SFXN1: variants seen among roughly 807,000 people sequenced by gnomAD.
The protein encoded by SFXN1 is sideroflexin 1, also known as sideroflexin-1.
Under a neutral mutation model 39.5 loss-of-function variants are expected in SFXN1, and 32 were observed. That is an observed-to-expected ratio of 0.81 (90% CI 0.61 to 1.09). The LOEUF (loss-of-function observed/expected upper bound fraction) is 1.09. Ranked by LOEUF, SFXN1 falls within the 50% of genes least tolerant of loss-of-function variation. The probability of loss-of-function intolerance (pLI) is 0.00; values close to 1 mark genes in which losing one functional copy is unlikely to be tolerated. For missense variants in SFXN1, 402 were observed against 407.1 expected, an observed-to-expected ratio of 0.99 and a Z score of 0.11; for synonymous variants, 136 against 146.5, an observed-to-expected ratio of 0.93 and a Z score of 0.52.
intron 1 of SFXN1, among the ~76,000 whole-genome samples, chr5:175,481,917 G>T (rs537862020): frequency 4.2e-4 from 64 of 152,326 alleles, no homozygotes; most frequent in African/African-American, 1.5e-3. Context: ...AGAAATCAGG[G>T]AATTTGGTTT....
chr5:175,497,791 G>A (rs977859160), intron 2 of SFXN1, among the ~76,000 whole-genome samples: 1 of 152,066 alleles, frequency 6.6e-6, no homozygotes, highest in Admixed American at 6.5e-5. Context: ...TTAGCTGGGT[G>A]AGGTGGCGGG....
chr5:175,502,777 G>A (rs554769992), intron 2 of SFXN1, among the ~76,000 whole-genome samples: 2 of 152,186 alleles, frequency 1.3e-5, no homozygotes, highest in East Asian at 1.9e-4. Flanking sequence ...GGAAGCAAAG[G>A]TTGCGATGAG....
intron 1 of SFXN1, among the ~76,000 whole-genome samples, chr5:175,478,998 A>G (rs921604105): frequency 5.3e-5 from 8 of 152,074 alleles, no homozygotes; most frequent in African/African-American, 1.2e-4. Context: ...GGACACCAAG[A>G]TGGCTGCCTC....
At chr5:175,524,120 AAAAAAATATATATATATATAT>A (rs1335214453) in intron 10 of SFXN1, 72 of 37,968 alleles carry the variant, frequency 1.9e-3, no homozygotes, top group East Asian at 7.2e-3. Flanking sequence ...AAAAAAAAAA[AAAAAAATATATATATATATAT>A]ATATATATAT....
At chr5:175,496,191 C>A (rs1238886444) in intron 2 of SFXN1, among the ~76,000 whole-genome samples, 1 of 152,018 alleles carries the variant, frequency 6.6e-6, no homozygotes, top group Admixed American at 6.6e-5. Context: ...AGCCACCACT[C>A]CCGGCCTTAA....
chr5:175,512,423 C>T (rs764282644), intron 6 of SFXN1, among the ~76,000 whole-genome samples: 1 of 152,000 alleles, frequency 6.6e-6, no homozygotes, highest in Non-Finnish European at 1.5e-5. Flanking sequence ...CTGAGGAGTG[C>T]GGGGAGGGGG....
intron 2 of SFXN1, among the ~76,000 whole-genome samples, chr5:175,507,251 C>T (rs958871791): frequency 9.9e-5 from 15 of 152,080 alleles, no homozygotes; most frequent in African/African-American, 2.9e-4. Context: ...CACTCTAATC[C>T]AGTATGCCGT....
chr5:175,505,732 A>G (rs1445069246), intron 2 of SFXN1, among the ~76,000 whole-genome samples: 1 of 152,060 alleles, frequency 6.6e-6, no homozygotes, highest in East Asian at 1.9e-4. Flanking sequence ...TGGAAACACA[A>G]TAGAAAGTCT....
intron 2 of SFXN1, among the ~76,000 whole-genome samples, chr5:175,503,022 A>G (rs1203666566): frequency 6.6e-6 from 1 of 152,202 alleles, no homozygotes; most frequent in Non-Finnish European, 1.5e-5. Context: ...TTTGTGTGAA[A>G]TTCTTGAAAA....
At chr5:175,513,987 A>G (rs1001769960) in intron 7 of SFXN1, among the ~76,000 whole-genome samples, 2 of 152,024 alleles carry the variant, frequency 1.3e-5, no homozygotes, top group Admixed American at 1.3e-4. Flanking sequence ...GAGGCCACAG[A>G]CGGCAGAGCG....
chr5:175,494,850 G>A (rs1759799113), intron 2 of SFXN1, among the ~76,000 whole-genome samples: 1 of 151,618 alleles, frequency 6.6e-6, no homozygotes, highest in Non-Finnish European at 1.5e-5. Context: ...ATACCAAATA[G>A]AGTTAAAAAA....
chr5:175,489,191 A>G lies in SFXN1; in HGVS notation c.-9-2904A>G, dbSNP rs577588281. Among the ~76,000 whole-genome samples the G allele has an allele frequency of 4.6e-5, 7 of 152,330 alleles. No homozygotes were observed. The East Asian group carries it at 1.2e-3, about 25-fold the overall frequency. ...CTGTTATGCATTTAGACTATGGTCT[A>G]CTTGAAGGTAGGAATTATATCTTAT... On this transcript the variant is annotated intron_variant, in intron 1 of 10. Transcript: ENST00000321442.
In SFXN1 at chr5:175,526,660, G is replaced by A; in HGVS notation, c.895G>A (p.Glu299Lys). The A allele has an allele frequency of 1.2e-6, 2 of 1,614,170 alleles. No homozygotes were observed. Among genetic ancestry groups the A allele is most frequent in the Non-Finnish European group, 1.7e-6 (2 of 1,180,016 alleles). ...CAGTTCCATGTCTGTGACAAGCTTG[G>A]AGGCCGAGTTGCAAGCTAAGATCCA... ...QKSSMSVTSL[E>K]AELQAKIQES... is the part of the protein sequence containing the mutation. Residue 299 changes from glutamate (E) to lysine (K), a missense_variant, in exon 11 of 11, where the codon GAG (glutamate) becomes AAG (lysine). Glu to Lys is a moderately conservative substitution (Grantham distance 56, BLOSUM62 1). Transcript: ENST00000321442.
intron 2 of SFXN1, among the ~76,000 whole-genome samples, chr5:175,499,303 G>C (rs748209276): frequency 6.0e-5 from 9 of 151,102 alleles, no homozygotes; most frequent in Non-Finnish European, 1.2e-4. Flanking sequence ...GCAGAAAGCA[G>C]AAGAGTCAGG....
chr5:175,522,625 C>G (rs924226621), intron 10 of SFXN1: 7 of 482,454 alleles, frequency 1.5e-5, no homozygotes, highest in Non-Finnish European at 2.6e-5. Flanking sequence ...TCTTTTCTAC[C>G]CCCTTCCATT....
intron 1 of SFXN1, among the ~76,000 whole-genome samples, chr5:175,488,038 T>TCC (rs994139647): frequency 6.6e-6 from 1 of 152,158 alleles, no homozygotes; most frequent in African/African-American, 2.4e-5. Context: ...CGCTCTTATC[T>TCC]CCCCACTGTC....
chr5:175,497,873 T>C (rs574719008), intron 2 of SFXN1, among the ~76,000 whole-genome samples: 3 of 146,930 alleles, frequency 2.0e-5, no homozygotes, highest in Non-Finnish European at 4.4e-5. Context: ...GAGGTTGTAG[T>C]GAGCCGAGAT....
intron 2 of SFXN1, among the ~76,000 whole-genome samples, chr5:175,501,062 GAT>G (rs1760059347): frequency 7.8e-6 from 1 of 128,666 alleles, no homozygotes; most frequent in African/African-American, 3.4e-5. Flanking sequence ...TATGGGCAAA[GAT>G]TTTTTTTTTT....
At chr5:175,502,577 T>C (rs932919417) in intron 2 of SFXN1, among the ~76,000 whole-genome samples, 2 of 152,234 alleles carry the variant, frequency 1.3e-5, no homozygotes, top group African/African-American at 4.8e-5. Context: ...CAGTGGCTCA[T>C]GCCTGTAATC....
Sources: allele counts gnomAD v4.1 joint callset (sites outside exome capture counted in the v4.1 genomes callset), GRCh38; gene constraint gnomAD v4.1.1; transcripts MANE v1.5; gene names NCBI Gene and HGNC (gene_info 2026-07-23, HGNC 2026-07-21).